Variants in HGD observed in about 807,000 individuals in gnomAD.
HGD encodes homogentisate 1,2-dioxygenase, also known as homogentisate oxidase.
In HGD, 61 loss-of-function variants were observed where a neutral mutation model predicts 60.8. The ratio of observed to expected loss-of-function variants is 1.00; its 90% CI spans 0.82 to 1.24. The LOEUF is 1.24. HGD is among the 50% of genes most tolerant of loss of function. The probability of loss-of-function intolerance (pLI) is 0.00; values close to 1 mark genes in which losing one functional copy is unlikely to be tolerated. For missense variants in HGD, 542 were observed against 547.1 expected (o/e 0.99, Z 0.09); for synonymous variants, 212 against 187.7 (o/e 1.13, Z -1.06).
chr3:120,671,261 C>T (rs1341474735), intron 3 of HGD, among the ~76,000 whole-genome samples: 1 of 152,158 alleles, frequency 6.6e-6, no homozygotes. Context: ...TGGTCACCCA[C>T]ATCTTCACAA....
chr3:120,632,461 G>T (rs1287512320), intron 13 of HGD, among the ~76,000 whole-genome samples: 1 of 152,196 alleles, frequency 6.6e-6, no homozygotes, highest in African/African-American at 2.4e-5. Context: ...TTTACAGCCT[G>T]ACACAGGAAG....
At chr3:120,660,361 T>TA (rs1399513037) in intron 4 of HGD, among the ~76,000 whole-genome samples, 6 of 152,320 alleles carry the variant, frequency 3.9e-5, no homozygotes, top group African/African-American at 1.4e-4. Flanking sequence ...AGGATTAAAA[T>TA]AAAACAGTGG....
chr3:120,651,658 C>T (rs1941346244), intron 5 of HGD, among the ~76,000 whole-genome samples: 1 of 152,134 alleles, frequency 6.6e-6, no homozygotes, highest in Admixed American at 6.5e-5. Context: ...TGGAGTGTCC[C>T]TACGTAAGCC....
chr3:120,630,798 T>TATATATATA (rs1940559920), intron 13 of HGD, among the ~76,000 whole-genome samples: 3 of 88,028 alleles, frequency 3.4e-5, no homozygotes, highest in African/African-American at 1.9e-4. Flanking sequence ...CTTAAGAGCT[T>TATATATATA]TATATATATA....
At position 120,674,837 on chromosome 3, in the gene HGD, G is replaced by A. The variant is rs558602469; in HGVS notation, c.176+64C>T. On this transcript the variant is annotated intron_variant, in intron 3 of 13. Transcript: ENST00000283871. ...GGAGGCTGTGGCCCAGGGGAAGGAG[G>A]CAGCACAAAGTCCCTGTCATAGTAC... 3 of 1,078,546 alleles carry A rather than the reference G, an allele frequency of 2.8e-6. No homozygotes were observed. In the African/African-American group the frequency reaches 4.7e-5, roughly 17 times the overall value. The allele number at this position is 1,078,546 out of a possible 1,614,324, so 66.8% of individuals were successfully genotyped here. A position where few individuals can be genotyped will look rare whatever the true frequency, so the allele number is the denominator to read the frequency against.
chr3:120,660,591 G>A (rs1399517572), intron 4 of HGD, among the ~76,000 whole-genome samples: 2 of 152,184 alleles, frequency 1.3e-5, no homozygotes, highest in South Asian at 2.1e-4. Flanking sequence ...TTGGGAGGCC[G>A]AGGCGGCCAG....
In HGD at chr3:120,650,014, G is replaced by A. The variant is rs141624157; in HGVS notation, c.434+760C>T. Among the ~76,000 whole-genome samples, 1,414 of 152,282 alleles carry A rather than the reference G, an allele frequency of 9.3e-3. 23 individuals are homozygous for A. The highest frequency in any genetic ancestry group is 0.032 in the African/African-American group (1,345 of 41,556). ...ATAATCTAAGAATGAGGAAAGACAA[G>A]GAGAAAGGTGCCTCTACTTGCAAGT... On this transcript the variant is annotated intron_variant, in intron 6 of 13. Coordinates refer to ENST00000283871, the MANE Select transcript of HGD (RefSeq NM_000187.4).
intron 4 of HGD, among the ~76,000 whole-genome samples, chr3:120,660,216 T>G (rs1331559596): frequency 6.6e-6 from 1 of 152,190 alleles, no homozygotes; most frequent in Non-Finnish European, 1.5e-5. Flanking sequence ...CTCCTTTCTT[T>G]GTAAGTTACC....
At chr3:120,647,826 G>A (rs1462438440) in intron 7 of HGD, 51 bp downstream of exon 7, 1 of 1,358,252 alleles carries the variant, frequency 7.4e-7, no homozygotes, top group Non-Finnish European at 1.1e-6. Context: ...AAAGCAGCTT[G>A]CGGTTAGGGG....
chr3:120,663,736 T>G (rs886128991), intron 4 of HGD, among the ~76,000 whole-genome samples: 1 of 151,744 alleles, frequency 6.6e-6, no homozygotes, highest in Admixed American at 6.6e-5. Flanking sequence ...TACTACATAA[T>G]AGCAAAAATG....
At chr3:120,630,882 A>G (rs1330830535) in intron 13 of HGD, among the ~76,000 whole-genome samples, 2 of 147,468 alleles carry the variant, frequency 1.4e-5, no homozygotes, top group African/African-American at 2.5e-5. Flanking sequence ...ACACACAGAT[A>G]ATGGAATACT....
intron 13 of HGD, 89 bp downstream of exon 13, chr3:120,633,058 G>A (rs567693251): frequency 5.4e-5 from 63 of 1,171,614 alleles, no homozygotes; most frequent in Non-Finnish European, 7.3e-5. Flanking sequence ...CTCTTCCTCT[G>A]TGACTTTGGA....
In HGD at chr3:120,650,811, T is replaced by C. The variant is rs748757618; in HGVS notation, c.397A>G (p.Ile133Val). The C allele has an allele frequency of 1.9e-6, 3 of 1,614,098 alleles. No homozygotes were observed. The South Asian group carries it at 3.3e-5, about 18-fold the overall frequency. Residue 133 changes from isoleucine to valine, a missense_variant, in exon 6 of 14, where the codon ATC becomes GTC. Physicochemically the swap from Ile to Val is conservative, Grantham distance 29. This residue lies in a region of HGD where 537 missense variants were observed against 529.1 expected (regional missense o/e 1.01). Transcript: ENST00000283871. Reference protein sequence around the residue: ...GDIKSNNGLAIHIFLCNTSME... With the variant: ...GDIKSNNGLAVHIFLCNTSME... The stretch of plus-strand genomic sequence containing the variant: ...GAGGTATTGCAGAGGAAAATGTGGA[T>C]AGCAAGCCCATTGTTAGACTTTATG...
chr3:120,674,021 T>G (rs1708076398), intron 3 of HGD, among the ~76,000 whole-genome samples: 1 of 152,172 alleles, frequency 6.6e-6, no homozygotes, highest in Non-Finnish European at 1.5e-5. Flanking sequence ...CTTGCAATCT[T>G]TATCATTTGT....
intron 13 of HGD, among the ~76,000 whole-genome samples, chr3:120,630,027 G>T (rs1232650348): frequency 2.0e-4 from 31 of 152,194 alleles, no homozygotes; most frequent in Middle Eastern, 3.4e-3. Flanking sequence ...ATTCACAACT[G>T]CCACAAAAAG....
intron 12 of HGD, 92 bp from the exon 13 acceptor site, chr3:120,633,420 G>A (rs185160699): frequency 6.2e-7 from 1 of 1,606,940 alleles, no homozygotes; most frequent in East Asian, 2.2e-5. Context: ...AGAATTCCAA[G>A]AACACAGGAG....
At chr3:120,655,846 T>C (rs1941479244) in intron 4 of HGD, among the ~76,000 whole-genome samples, 1 of 152,246 alleles carries the variant, frequency 6.6e-6, no homozygotes, top group Admixed American at 6.5e-5. Flanking sequence ...ATTTTGTTTT[T>C]TTCTTACATA....
chr3:120,656,836 G>A (rs990617930), intron 4 of HGD, among the ~76,000 whole-genome samples: 1 of 152,210 alleles, frequency 6.6e-6, no homozygotes, highest in African/African-American at 2.4e-5. Flanking sequence ...ACAGGCATGA[G>A]CCACTGTGCC....
At chr3:120,654,622 G>A (rs1402764490) in intron 4 of HGD, among the ~76,000 whole-genome samples, 1 of 152,028 alleles carries the variant, frequency 6.6e-6, no homozygotes, top group African/African-American at 2.4e-5. Flanking sequence ...ACAAGTCTAA[G>A]GATTTACAAA....
Sources: gnomAD v4.1 joint callset for allele counts (sites outside exome capture counted in the v4.1 genomes callset) on GRCh38, gnomAD v4.1.1 for gene constraint, gnomAD v4.1.1 regional missense constraint, MANE v1.5 for transcripts, NCBI Gene and HGNC (gene_info 2026-07-23, HGNC 2026-07-21) for gene names.